KCND2: variants seen among roughly 807,000 people sequenced by gnomAD.
KCND2 encodes the protein potassium voltage-gated channel subfamily D member 2.
KCND2 carries 16 observed loss-of-function variants against 54.4 expected under a neutral mutation model. That is an observed-to-expected ratio of 0.29 (90% CI 0.20 to 0.45). The LOEUF (loss-of-function observed/expected upper bound fraction) is 0.45. Among genes scored for constraint, KCND2 ranks in the 20% least tolerant of loss-of-function variants. The pLI is 1.00. For synonymous variants in KCND2, 317 were observed against 310.7 expected (o/e 1.02, Z -0.21); for missense variants, 486 against 824.2 (o/e 0.59, Z 5.02).
intron 1 of KCND2, among the ~76,000 whole-genome samples, chr7:120,455,898 C>A (rs1802192604): frequency 6.6e-6 from 1 of 152,074 alleles, no homozygotes; most frequent in African/African-American, 2.4e-5. Context: ...AATCTGTACA[C>A]AAAACTCCTG....
chr7:120,291,530 G>A (rs1008234573), intron 1 of KCND2, among the ~76,000 whole-genome samples: 19 of 151,790 alleles, frequency 1.3e-4, no homozygotes, highest in African/African-American at 1.5e-4. Context: ...ACAAATGCAC[G>A]GTCATATACA....
intron 1 of KCND2, among the ~76,000 whole-genome samples, chr7:120,465,456 A>G (rs62472321): frequency 0.025 from 3,738 of 152,190 alleles, 62 homozygotes; most frequent in Non-Finnish European, 0.037. Context: ...CTATTAAATA[A>G]TAGGAATATT....
intron 1 of KCND2, among the ~76,000 whole-genome samples, chr7:120,723,416 CCAAG>C (rs1460305813): frequency 6.6e-6 from 1 of 152,060 alleles, no homozygotes; most frequent in African/African-American, 2.4e-5. Flanking sequence ...TTAGTAGCAT[CCAAG>C]AGAAGAATAG....
chr7:120,634,274 A>G (rs185580626), intron 1 of KCND2, among the ~76,000 whole-genome samples: 50 of 152,296 alleles, frequency 3.3e-4, no homozygotes, highest in Non-Finnish European at 6.5e-4. Context: ...TCCGACACCA[A>G]TATTTTATTT....
At chr7:120,724,046 C>T (rs528880557) in intron 1 of KCND2, among the ~76,000 whole-genome samples, 2 of 152,224 alleles carry the variant, frequency 1.3e-5, no homozygotes, top group South Asian at 2.1e-4. Flanking sequence ...AGGAAGAGAC[C>T]TTTATCTCCC....
In KCND2 at chr7:120,636,893, CAAATGGACAGATACTTT is replaced by C. The variant is rs561212282; in HGVS notation, c.1116-96007_1116-95991del. Reference sequence around the variant, plus strand: ...TACAGTATGCCTATATACCCTCTGACAAATGGACAGATACTTTAAGGTTAGGAACTTGCATAACTATG... The same window carrying C: ...TACAGTATGCCTATATACCCTCTGACAAGGTTAGGAACTTGCATAACTATG... On this transcript the variant is annotated intron_variant, in intron 1 of 5. Transcript: ENST00000331113. Among the ~76,000 whole-genome samples, 5 of 152,206 alleles carry C rather than the reference CAAATGGACAGATACTTT, an allele frequency of 3.3e-5. No individual in the cohort carries two copies. In the East Asian group the frequency reaches 5.8e-4, roughly 18 times the overall value.
intron 1 of KCND2, among the ~76,000 whole-genome samples, chr7:120,421,869 A>G (rs911931587): frequency 2.0e-5 from 3 of 152,142 alleles, no homozygotes; most frequent in Non-Finnish European, 2.9e-5. Context: ...CTGCTCCCTG[A>G]AAGAAAAGTG....
At chr7:120,376,885 C>G (rs1314677070) in intron 1 of KCND2, among the ~76,000 whole-genome samples, 1 of 151,892 alleles carries the variant, frequency 6.6e-6, no homozygotes, top group Non-Finnish European at 1.5e-5. Context: ...CTCAGCTGTT[C>G]TGATATTGTA....
chr7:120,511,358 C>G (rs528502344), intron 1 of KCND2, among the ~76,000 whole-genome samples: 11 of 152,138 alleles, frequency 7.2e-5, no homozygotes, highest in Middle Eastern at 3.4e-3. Context: ...TGTTTTTTAT[C>G]TGTCTTGTCC....
At chr7:120,418,795 G>T (rs73722601) in intron 1 of KCND2, among the ~76,000 whole-genome samples, 1 of 152,044 alleles carries the variant, frequency 6.6e-6, no homozygotes, top group Non-Finnish European at 1.5e-5. Context: ...GCCCTCATCC[G>T]TACCCCACTC....
intron 1 of KCND2, among the ~76,000 whole-genome samples, chr7:120,413,409 T>TG (rs2116113590): frequency 6.6e-6 from 1 of 152,150 alleles, no homozygotes; most frequent in South Asian, 2.1e-4. Context: ...TGTTCACCTA[T>TG]GTCTACCTTT....
intron 1 of KCND2, among the ~76,000 whole-genome samples, chr7:120,399,405 A>G (rs917205428): frequency 3.3e-5 from 5 of 151,988 alleles, no homozygotes; most frequent in Non-Finnish European, 7.4e-5. Context: ...AACAAAGGGC[A>G]TCTTGCATTT....
At chr7:120,671,253 G>A (rs1791990003) in intron 1 of KCND2, among the ~76,000 whole-genome samples, 1 of 152,032 alleles carries the variant, frequency 6.6e-6, no homozygotes, top group Non-Finnish European at 1.5e-5. Context: ...ATTTTCATTA[G>A]GAGCATGCAA....
chr7:120,283,508 C>G (rs1469455385), intron 1 of KCND2, among the ~76,000 whole-genome samples: 1 of 151,956 alleles, frequency 6.6e-6, no homozygotes, highest in African/African-American at 2.4e-5. Flanking sequence ...AAATTTATAT[C>G]CAATTATTCA....
chr7:120,701,364 A>G (rs1272313233), intron 1 of KCND2, among the ~76,000 whole-genome samples: 1 of 151,982 alleles, frequency 6.6e-6, no homozygotes, highest in African/African-American at 2.4e-5. Context: ...AAAGTCTTCA[A>G]AGCTCTTCCT....
In KCND2 at chr7:120,595,451, C is replaced by CAA. The variant is rs759040293; in HGVS notation, c.1116-137443_1116-137442dup. 6.6e-3 allele frequency among the ~76,000 whole-genome samples: 290 copies of CAA among 43,630 alleles called. 6 individuals carry two copies. Among genetic ancestry groups the CAA allele is most frequent in the Middle Eastern group, 0.031 (2 of 64 alleles). 28.6% of individuals were successfully genotyped at this position (43,630 alleles called of 152,430 possible). On this transcript the variant is annotated intron_variant, in intron 1 of 5. Coordinates refer to ENST00000331113, the MANE Select transcript of KCND2 (RefSeq NM_012281.3). Reference sequence around the variant, plus strand: ...GGGCAACAAAGTGAGACTGTGCCACCAAAAAAAAAATATATATATATATAT... The same window carrying CAA: ...GGGCAACAAAGTGAGACTGTGCCACCAAAAAAAAAAAATATATATATATATAT...
At chr7:120,599,531 C>T (rs1013292112) in intron 1 of KCND2, among the ~76,000 whole-genome samples, 1 of 151,872 alleles carries the variant, frequency 6.6e-6, no homozygotes, top group African/African-American at 2.4e-5. Flanking sequence ...TGTTTGTCAA[C>T]ATAAAAATCT....
At chr7:120,498,456 G>A (rs1390897026) in intron 1 of KCND2, among the ~76,000 whole-genome samples, 1 of 151,736 alleles carries the variant, frequency 6.6e-6, no homozygotes, top group African/African-American at 2.4e-5. Flanking sequence ...CTCCAGCCTG[G>A]CGACAGAGCA....
chr7:120,460,715 C>T (rs1802272166), intron 1 of KCND2, among the ~76,000 whole-genome samples: 1 of 152,104 alleles, frequency 6.6e-6, no homozygotes, highest in African/African-American at 2.4e-5. Flanking sequence ...TACTGATGCT[C>T]ATTTTATTCT....
Sources: gnomAD v4.1 joint callset for allele counts (sites outside exome capture counted in the v4.1 genomes callset) on GRCh38, gnomAD v4.1.1 for gene constraint, MANE v1.5 for transcripts, NCBI Gene and HGNC (gene_info 2026-07-23, HGNC 2026-07-21) for gene names.